Variants in TYW1 observed in about 807,000 individuals in gnomAD.
The protein encoded by TYW1 is tRNA-yW synthesizing protein 1 homolog, also known as S-adenosyl-L-methionine-dependent tRNA 4-demethylwyosine synthase TYW1.
TYW1 carries 46 observed loss-of-function variants against 96.2 expected under a neutral mutation model. The ratio of observed to expected loss-of-function variants is 0.48; its 90% CI spans 0.38 to 0.61. The LOEUF (loss-of-function observed/expected upper bound fraction) is 0.61, where lower values mean the gene tolerates loss of function less well. TYW1 is among the 20% of genes least tolerant of loss of function. TYW1 has a pLI of 0.00. For missense variants in TYW1, 684 were observed against 909.6 expected (o/e 0.75, Z 3.19); for synonymous variants, 274 against 323.0 (o/e 0.85, Z 1.63).
At chr7:67,113,964 G>A (rs1195561812) in intron 12 of TYW1, among the ~76,000 whole-genome samples, 1 of 151,950 alleles carries the variant, frequency 6.6e-6, no homozygotes, top group South Asian at 2.1e-4. Flanking sequence ...ATAGATCCTT[G>A]CACACGTTAC....
At chr7:67,155,325 G>A (rs116546813) in intron 13 of TYW1, among the ~76,000 whole-genome samples, 1,793 of 152,182 alleles carry the variant, frequency 0.012, 33 homozygotes, top group African/African-American at 0.041. Flanking sequence ...GTGATAGTGC[G>A]TGAGTTCTTG....
chr7:67,107,168 GA>G (rs1797269744), intron 12 of TYW1, among the ~76,000 whole-genome samples: 1 of 152,200 alleles, frequency 6.6e-6, no homozygotes, highest in African/African-American at 2.4e-5. Context: ...TGTTAGCTCA[GA>G]ATGGTTCCAG....
At chr7:67,028,120 T>TC (rs934306670) in intron 7 of TYW1, among the ~76,000 whole-genome samples, 1 of 150,584 alleles carries the variant, frequency 6.6e-6, no homozygotes, top group African/African-American at 2.5e-5. Context: ...ATATCTGTAG[T>TC]CCCAGCTACT....
chr7:67,025,275 G>T (rs1384370570), intron 7 of TYW1, among the ~76,000 whole-genome samples: 2 of 152,028 alleles, frequency 1.3e-5, no homozygotes, highest in Admixed American at 6.6e-5. Context: ...TTGTAGATTG[G>T]GGGTGTCCAA....
intron 15 of TYW1, among the ~76,000 whole-genome samples, chr7:67,196,756 A>G (rs1187809107): frequency 6.6e-6 from 1 of 151,880 alleles, no homozygotes; most frequent in East Asian, 1.9e-4. Context: ...TTTTAGTCTA[A>G]TCCTTTACTT....
rs1299615190 is a variant in TYW1 at position 67,238,543 on chromosome 7, C to T, written c.*14C>T. The T allele has an allele frequency of 8.1e-6, 13 of 1,607,018 alleles. No homozygotes were observed. The highest frequency in any genetic ancestry group is 1.1e-5 in the Non-Finnish European group (13 of 1,176,918). Reference sequence around the variant, plus strand: ...TCTGGATGTTGAGATTATCTGATTTCAAGGTACTGAAGGACAAAAACTTGG... The same window carrying T: ...TCTGGATGTTGAGATTATCTGATTTTAAGGTACTGAAGGACAAAAACTTGG... On this transcript the variant is annotated 3_prime_UTR_variant, in exon 16 of 16. Transcript: ENST00000359626.
intron 1 of TYW1, among the ~76,000 whole-genome samples, chr7:66,997,312 A>ATCTT: frequency 9.3e-6 from 1 of 107,566 alleles, no homozygotes; most frequent in Non-Finnish European, 1.9e-5. Context: ...GTCCCTGCAT[A>ATCTT]TCTCTCTTAA....
intron 14 of TYW1, among the ~76,000 whole-genome samples, chr7:67,192,122 C>T (rs2116333460): frequency 6.6e-6 from 1 of 152,134 alleles, no homozygotes; most frequent in East Asian, 1.9e-4. Flanking sequence ...TCTCGAATTC[C>T]TGACCTCAAG....
At chr7:67,165,625 C>T (rs1799295685) in intron 13 of TYW1, among the ~76,000 whole-genome samples, 1 of 152,042 alleles carries the variant, frequency 6.6e-6, no homozygotes, top group African/African-American at 2.4e-5. Context: ...CTTCTGTATA[C>T]AACATATAAA....
intron 13 of TYW1, among the ~76,000 whole-genome samples, chr7:67,175,394 C>T (rs193195436): frequency 5.9e-4 from 90 of 152,262 alleles, no homozygotes; most frequent in African/African-American, 2.1e-3. Context: ...TGGTCTCGAA[C>T]TCCCAACCTC....
intron 13 of TYW1, among the ~76,000 whole-genome samples, chr7:67,122,940 A>T (rs891287722): frequency 2.0e-5 from 3 of 152,196 alleles, no homozygotes; most frequent in Non-Finnish European, 4.4e-5. Context: ...TGTTACATTT[A>T]ATTGGTGGCA....
chr7:67,169,725 C>T (rs1435197198), intron 13 of TYW1, among the ~76,000 whole-genome samples: 1 of 152,136 alleles, frequency 6.6e-6, no homozygotes, highest in Admixed American at 6.6e-5. Flanking sequence ...TTGCTGAATA[C>T]TATTCTCTTG....
At chr7:67,130,329 C>T (rs974427504) in intron 13 of TYW1, among the ~76,000 whole-genome samples, 4 of 148,604 alleles carry the variant, frequency 2.7e-5, no homozygotes, top group East Asian at 2.0e-4. Flanking sequence ...TGCAGTGAGC[C>T]GAGATTGTGT....
intron 15 of TYW1, among the ~76,000 whole-genome samples, chr7:67,219,142 C>G (rs1334698181): frequency 6.6e-6 from 1 of 152,132 alleles, no homozygotes. Context: ...TTGTCAGATG[C>G]CTTTCCTGCA....
At chr7:67,235,906 A>AAAG (rs1465515624) in intron 15 of TYW1, among the ~76,000 whole-genome samples, 183 of 134,464 alleles carry the variant, frequency 1.4e-3, no homozygotes, top group Non-Finnish European at 2.4e-3. Flanking sequence ...AAAAAAAAAA[A>AAAG]AAAAGAAAAA....
At chr7:66,999,767 TTCTC>T (rs1793316321) in intron 3 of TYW1, among the ~76,000 whole-genome samples, 1 of 152,138 alleles carries the variant, frequency 6.6e-6, no homozygotes, top group Non-Finnish European at 1.5e-5. Flanking sequence ...ATGCTTCCCA[TTCTC>T]TCTCTTTTTT....
At chr7:67,072,485 G>T (rs1584526054) in intron 10 of TYW1, among the ~76,000 whole-genome samples, 1 of 152,116 alleles carries the variant, frequency 6.6e-6, no homozygotes, top group Middle Eastern at 3.4e-3. Flanking sequence ...CTCACCTTGT[G>T]ATCTGCCCTC....
At chr7:67,151,831 G>A (rs1418319496) in intron 13 of TYW1, among the ~76,000 whole-genome samples, 1 of 151,974 alleles carries the variant, frequency 6.6e-6, no homozygotes, top group African/African-American at 2.4e-5. Context: ...TGTTGAGATA[G>A]GGACTTGCTC....
intron 15 of TYW1, among the ~76,000 whole-genome samples, chr7:67,211,286 A>T (rs1374398189): frequency 6.6e-6 from 1 of 151,466 alleles, no homozygotes; most frequent in Non-Finnish European, 1.5e-5. Flanking sequence ...CAGTCTTTTG[A>T]CTTTATGATA....
Sources: allele counts gnomAD v4.1 joint callset (sites outside exome capture counted in the v4.1 genomes callset), GRCh38; gene constraint gnomAD v4.1.1; transcripts MANE v1.5; gene names NCBI Gene and HGNC (gene_info 2026-07-23, HGNC 2026-07-21).